The following KLHDC4 variants were observed in gnomAD, a reference collection of about 807,000 sequenced individuals.
KLHDC4 encodes the protein kelch domain containing 4, also known as kelch domain-containing protein 4.
Under a neutral mutation model 62.4 loss-of-function variants are expected in KLHDC4, and 90 were observed. The observed-to-expected ratio is 1.44, with a 90% CI of 1.22 to 1.72. KLHDC4 has a LOEUF of 1.72. Among genes scored for constraint, KLHDC4 ranks in the 40% most tolerant of loss-of-function variants. The pLI is 0.00. For missense variants in KLHDC4, 1,025 were observed against 699.7 expected (o/e 1.47, Z -5.25); for synonymous variants, 386 against 284.4 (o/e 1.36, Z -3.59).
downstream of KLHDC4, among the ~76,000 whole-genome samples, chr16:87,705,940 G>A (rs62053837): frequency 8.2e-4 from 125 of 152,372 alleles, no homozygotes; most frequent in Non-Finnish European, 1.6e-3. Flanking sequence ...CGCCAAAGCC[G>A]GCGCAACGCA....
At chr16:87,760,409 C>T (rs767678825) in intron 2 of KLHDC4, among the ~76,000 whole-genome samples, 1 of 149,960 alleles carries the variant, frequency 6.7e-6, no homozygotes, top group Non-Finnish European at 1.5e-5. Context: ...AGATCAAGAC[C>T]ATCCTGGCCA....
intron 9 of KLHDC4, 188 bp from the exon 10 acceptor site, chr16:87,709,855 T>G: frequency 3.0e-6 from 2 of 662,570 alleles, no homozygotes; most frequent in Non-Finnish European, 5.0e-6. Context: ...CGCTCCTGTC[T>G]CCCACTAGCC....
chr16:87,708,395 C>T lies in KLHDC4; in HGVS notation c.1519G>A (p.Val507Ile). 6.2e-7 allele frequency: 1 copy of T among 1,611,586 alleles called. No homozygotes were observed. The highest frequency in any genetic ancestry group is 8.5e-7 in the Non-Finnish European group (1 of 1,179,400). Residue 507 changes from valine (V) to isoleucine (I), a missense_variant, in exon 11 of 12, where the codon GTC (valine) becomes ATC (isoleucine). By Grantham distance (29) the Val-to-Ile change is conservative (BLOSUM62 3). Coordinates refer to ENST00000270583, the MANE Select transcript of KLHDC4 (RefSeq NM_017566.4). ...SEEVEGAEGG[V>I]DDEDSGEESG... ...TCCTCTCCGCTGTCTTCGTCGTCGA[C>T]CCCACCCTCGGCGCCCTCAACCTCC...
intron 7 of KLHDC4, among the ~76,000 whole-genome samples, chr16:87,718,400 CG>C (rs376415786): frequency 0.058 from 8,297 of 142,902 alleles, 384 homozygotes; most frequent in Non-Finnish European, 0.085. Flanking sequence ...TCTCTCTCCA[CG>C]GTCTCCCTCT....
intron 7 of KLHDC4, among the ~76,000 whole-genome samples, chr16:87,725,353 G>C (rs2039167186): frequency 6.6e-6 from 1 of 152,164 alleles, no homozygotes; most frequent in Non-Finnish European, 1.5e-5. Context: ...TTTTAGTAGA[G>C]ACGGGGTTTC....
intron 5 of KLHDC4, among the ~76,000 whole-genome samples, chr16:87,737,106 C>CAAA (rs55787836): frequency 0.18 from 11,471 of 64,530 alleles, 2,196 homozygotes; most frequent in South Asian, 0.29. Flanking sequence ...GCCTGGGCGA[C>CAAA]AAAAAAAAAA....
At chr16:87,712,017 C>A (rs1365520455) in intron 8 of KLHDC4, among the ~76,000 whole-genome samples, 1 of 151,172 alleles carries the variant, frequency 6.6e-6, no homozygotes, top group Non-Finnish European at 1.5e-5. Context: ...TGGGCCTGCA[C>A]GGGGACCCTC....
chr16:87,745,552 T>C (rs2042914805), intron 5 of KLHDC4, among the ~76,000 whole-genome samples: 1 of 152,250 alleles, frequency 6.6e-6, no homozygotes, highest in Non-Finnish European at 1.5e-5. Flanking sequence ...CATCCACCTC[T>C]TCTGGCTTCT....
At chr16:87,703,938 T>G (rs2034338641), downstream of KLHDC4, among the ~76,000 whole-genome samples, 1 of 151,954 alleles carries the variant, frequency 6.6e-6, no homozygotes. Context: ...GAGACTGGCC[T>G]CCAGCGCCCC....
At chr16:87,732,031 C>T (rs1490275274) in intron 5 of KLHDC4, among the ~76,000 whole-genome samples, 3 of 151,920 alleles carry the variant, frequency 2.0e-5, no homozygotes, top group Non-Finnish European at 4.4e-5. Flanking sequence ...GGACCAACTA[C>T]AGCTCTCTGG....
At chr16:87,703,950 G>A (rs973381724), downstream of KLHDC4, among the ~76,000 whole-genome samples, 1 of 152,188 alleles carries the variant, frequency 6.6e-6, no homozygotes, top group Admixed American at 6.5e-5. Flanking sequence ...CAGCGCCCCC[G>A]GCCTCCACAC....
At position 87,745,945 on chromosome 16, in the gene KLHDC4, C is replaced by G. The variant is rs1043141770; in HGVS notation, c.506+2728G>C. On this transcript the variant is annotated intron_variant, in intron 5 of 11. Coordinates refer to ENST00000270583, the MANE Select transcript of KLHDC4 (RefSeq NM_017566.4). ...ATACATTAAGCAGCAGTAACCGAAT[C>G]CTGCTGAGCAGTAGAAATACAGAAA... Among the ~76,000 whole-genome samples the G allele has an allele frequency of 2.0e-5, 3 of 152,232 alleles. No homozygotes were observed. The East Asian group carries it at 5.8e-4, about 29-fold the overall frequency.
chr16:87,698,319 G>C (rs748459594), exon 1 of KLHDC4: 2 of 152,118 alleles, frequency 1.3e-5, no homozygotes, highest in African/African-American at 2.4e-5. Flanking sequence ...CCATCTTTTA[G>C]TAGCAAGTGG....
chr16:87,729,653 C>T (rs575860577), intron 6 of KLHDC4, among the ~76,000 whole-genome samples: 2 of 152,372 alleles, frequency 1.3e-5, no homozygotes, highest in South Asian at 2.1e-4. Flanking sequence ...CCTGGGCAGC[C>T]ATGCCAGCTG....
intron 3 of KLHDC4, chr16:87,756,077 G>A (rs2044836898): frequency 4.7e-6 from 1 of 213,598 alleles, no homozygotes. Context: ...CCTGAAAGCT[G>A]AGTGTGAAAC....
At chr16:87,755,480 G>A (rs1278646854) in intron 3 of KLHDC4, 188 bp from the exon 4 acceptor site, 13 of 470,106 alleles carry the variant, frequency 2.8e-5, no homozygotes, top group Middle Eastern at 3.7e-4. Context: ...GAAAACGACC[G>A]AACGCCCACC....
At chr16:87,765,318 C>G (rs1402006324) in intron 1 of KLHDC4, 1 of 456,506 alleles carries the variant, frequency 2.2e-6, no homozygotes, top group Admixed American at 2.3e-5. Context: ...CTGCTCAGGG[C>G]TGCTGTGATG....
At chr16:87,706,809 C>A (rs1271155860), downstream of KLHDC4, among the ~76,000 whole-genome samples, 1 of 152,194 alleles carries the variant, frequency 6.6e-6, no homozygotes, top group Non-Finnish European at 1.5e-5. Flanking sequence ...CAAGCCATCG[C>A]CCCAAGGTGA....
chr16:87,728,869 A>G (rs894280106), intron 6 of KLHDC4, among the ~76,000 whole-genome samples: 2 of 152,108 alleles, frequency 1.3e-5, no homozygotes, highest in African/African-American at 4.8e-5. Flanking sequence ...CCGCCTCCCC[A>G]GTTCAAGCGA....
Sources: gnomAD v4.1 joint callset for allele counts (sites outside exome capture counted in the v4.1 genomes callset) on GRCh38, gnomAD v4.1.1 for gene constraint, MANE v1.5 for transcripts, NCBI Gene and HGNC (gene_info 2026-07-23, HGNC 2026-07-21) for gene names.